The following FANCL variants were observed in gnomAD, a reference collection of about 807,000 sequenced individuals.
FANCL encodes the protein E3 ubiquitin-protein ligase FANCL.
In FANCL, 69 loss-of-function variants were observed where a neutral mutation model predicts 59.4. That is an observed-to-expected ratio of 1.16 (90% CI 0.96 to 1.42). FANCL has a LOEUF of 1.42. Among genes scored for constraint, FANCL ranks in the 40% most tolerant of loss-of-function variants. The pLI is 0.00. For missense variants in FANCL, 519 were observed against 447.2 expected (o/e 1.16, Z -1.45); for synonymous variants, 180 against 147.1 (o/e 1.22, Z -1.62).
At chr2:58,178,302 T>C (rs1687571595) in intron 7 of FANCL, among the ~76,000 whole-genome samples, 1 of 152,018 alleles carries the variant, frequency 6.6e-6, no homozygotes, top group African/African-American at 2.4e-5. Context: ...TTCTGGCCAA[T>C]ATCCCTGAAC....
chr2:58,194,959 T>C (rs369204341), intron 7 of FANCL, among the ~76,000 whole-genome samples: 1 of 151,488 alleles, frequency 6.6e-6, no homozygotes, highest in East Asian at 1.9e-4. Flanking sequence ...TCTTCCAAGT[T>C]TAAAGTCCAG....
intron 7 of FANCL, among the ~76,000 whole-genome samples, chr2:58,171,989 C>G (rs62140034): frequency 0.039 from 6,008 of 152,306 alleles, 133 homozygotes; most frequent in East Asian, 0.095. Flanking sequence ...ACGGAGCCTC[C>G]TTCATTGCTA....
chr2:58,239,930 T>G (rs983945428), intron 1 of FANCL, among the ~76,000 whole-genome samples: 7 of 152,288 alleles, frequency 4.6e-5, no homozygotes, highest in African/African-American at 1.7e-4. Context: ...GTAAAATGTT[T>G]AAGATTTAAA....
intron 7 of FANCL, among the ~76,000 whole-genome samples, chr2:58,184,862 T>TA (rs1395455466): frequency 6.6e-6 from 1 of 151,980 alleles, no homozygotes; most frequent in Non-Finnish European, 1.5e-5. Context: ...TTAGGAAACA[T>TA]AAAACAAGGT....
chr2:58,163,590 T>A, intron 8 of FANCL, 73 bp from the exon 9 acceptor site: 1 of 944,480 alleles, frequency 1.1e-6, no homozygotes, highest in Non-Finnish European at 1.7e-6. Flanking sequence ...AATAAAGAGG[T>A]GTTGGTCTGG....
intron 7 of FANCL, among the ~76,000 whole-genome samples, chr2:58,185,497 C>A (rs1688313168): frequency 6.6e-6 from 1 of 152,144 alleles, no homozygotes; most frequent in Non-Finnish European, 1.5e-5. Context: ...ATTCAAAGGT[C>A]ACCAAATCAC....
intron 1 of FANCL, among the ~76,000 whole-genome samples, chr2:58,238,895 C>G (rs565858589): frequency 6.6e-6 from 1 of 152,178 alleles, no homozygotes; most frequent in South Asian, 2.1e-4. Flanking sequence ...AAATGCAAAG[C>G]CTTAAAAACT....
chr2:58,161,497 T>C, intron 12 of FANCL, 25 bp downstream of exon 12: 1 of 1,416,472 alleles, frequency 7.1e-7, no homozygotes, highest in Non-Finnish European at 1.0e-6. Context: ...CGGAAAAAAG[T>C]CTTGACAATA....
intron 3 of FANCL, among the ~76,000 whole-genome samples, chr2:58,229,109 T>G (rs1693319483): frequency 6.6e-6 from 1 of 152,120 alleles, no homozygotes; most frequent in Non-Finnish European, 1.5e-5. Context: ...TATGGGAGAG[T>G]TACTGTGATT....
intron 4 of FANCL, among the ~76,000 whole-genome samples, chr2:58,223,066 T>C (rs60987670): frequency 0.02 from 2,988 of 151,670 alleles, 114 homozygotes; most frequent in African/African-American, 0.069. Flanking sequence ...AGAACAGATA[T>C]TACAAAACAG....
intron 5 of FANCL, among the ~76,000 whole-genome samples, chr2:58,213,959 G>T (rs1691447101): frequency 6.6e-6 from 1 of 151,838 alleles, no homozygotes; most frequent in South Asian, 2.1e-4. Flanking sequence ...TGCCCTATGG[G>T]ACAACTCTAG....
At chr2:58,208,758 C>T (rs879473809) in intron 5 of FANCL, among the ~76,000 whole-genome samples, 4 of 152,282 alleles carry the variant, frequency 2.6e-5, no homozygotes, top group Admixed American at 2.6e-4. Context: ...CTTCCTAATG[C>T]GTGTCTTTAC....
intron 1 of FANCL, among the ~76,000 whole-genome samples, chr2:58,238,386 A>G (rs941572040): frequency 2.0e-5 from 3 of 152,202 alleles, no homozygotes; most frequent in Admixed American, 6.5e-5. Context: ...CAGTGAGACA[A>G]TAATTGTTTT....
At chr2:58,164,808 AAC>A (rs1416489906) in intron 8 of FANCL, among the ~76,000 whole-genome samples, 3 of 152,090 alleles carry the variant, frequency 2.0e-5, no homozygotes, top group Non-Finnish European at 2.9e-5. Flanking sequence ...TTCCAAATTA[AAC>A]ACAGTTAGAC....
chr2:58,221,445 A>T (rs1260239177), intron 5 of FANCL, among the ~76,000 whole-genome samples: 1 of 152,146 alleles, frequency 6.6e-6, no homozygotes, highest in Non-Finnish European at 1.5e-5. Context: ...TTAAAAAAAA[A>T]ATCATTTTTT....
intron 7 of FANCL, among the ~76,000 whole-genome samples, chr2:58,191,611 T>A (rs1422956932): frequency 6.6e-6 from 1 of 151,898 alleles, no homozygotes; most frequent in African/African-American, 2.4e-5. Context: ...AACTCCTTGT[T>A]TACTGCACGT....
chr2:58,222,819 G>T (rs1046740277), intron 4 of FANCL, among the ~76,000 whole-genome samples: 1 of 151,888 alleles, frequency 6.6e-6, no homozygotes, highest in African/African-American at 2.4e-5. Flanking sequence ...CATATGGTCT[G>T]AAGTATCAAA....
At chr2:58,168,478 T>G (rs1345662863) in intron 7 of FANCL, among the ~76,000 whole-genome samples, 1 of 152,104 alleles carries the variant, frequency 6.6e-6, no homozygotes, top group African/African-American at 2.4e-5. Context: ...CTCTGGTGCC[T>G]ATTTCACCAG....
intron 3 of FANCL, among the ~76,000 whole-genome samples, chr2:58,228,441 A>G (rs1693249357): frequency 6.6e-6 from 1 of 152,198 alleles, no homozygotes; most frequent in South Asian, 2.1e-4. Context: ...ATTACAGATG[A>G]TCAATAAATG....
Sources: allele counts gnomAD v4.1 joint callset (sites outside exome capture counted in the v4.1 genomes callset), GRCh38; gene constraint gnomAD v4.1.1; transcripts MANE v1.5; gene names NCBI Gene and HGNC (gene_info 2026-07-23, HGNC 2026-07-21).